Variants in DPP10 observed in about 807,000 individuals in gnomAD.
DPP10 encodes the protein inactive dipeptidyl peptidase 10.
In DPP10, 33 loss-of-function variants were observed where a neutral mutation model predicts 120.9. That is an observed-to-expected ratio of 0.27 (90% CI 0.21 to 0.37). DPP10 has a LOEUF of 0.37. DPP10 is among the 10% of genes least tolerant of loss of function. The pLI is 1.00. For synonymous variants in DPP10, 337 were observed against 326.1 expected, an observed-to-expected ratio of 1.03 and a Z score of -0.36; for missense variants, 816 against 942.8, an observed-to-expected ratio of 0.87 and a Z score of 1.76.
chr2:115,664,586 T>G (rs1219104664), intron 5 of DPP10, among the ~76,000 whole-genome samples: 3 of 152,004 alleles, frequency 2.0e-5, no homozygotes, highest in Non-Finnish European at 4.4e-5. Flanking sequence ...AGCAAGGAAA[T>G]GCTTTTCTCA....
At chr2:114,581,867 C>T (rs1690552670) in intron 1 of DPP10, among the ~76,000 whole-genome samples, 1 of 152,168 alleles carries the variant, frequency 6.6e-6, no homozygotes, top group South Asian at 2.1e-4. Flanking sequence ...ATGCATATAT[C>T]TGCCACATCC....
rs1239331551 is a variant in DPP10 at position 115,842,578 on chromosome 2, C to G, written c.*233C>G. 1 of 372,758 alleles carries G rather than the reference C, an allele frequency of 2.7e-6. No homozygotes were observed. Among genetic ancestry groups the G allele is most frequent in the Non-Finnish European group, 4.7e-6 (1 of 212,360 alleles). The allele number at this position is 372,758 out of a possible 1,614,324, so 23.1% of individuals were successfully genotyped here. On this transcript the variant is annotated 3_prime_UTR_variant, in exon 26 of 26. Coordinates refer to ENST00000410059, the MANE Select transcript of DPP10 (RefSeq NM_020868.6). ...TGAGAGAGGTCAAAGGGTTGGTTTCCTGGGAGAAATTAGTTTTGCATTAAA... is the reference window on the plus strand; with the variant it reads ...TGAGAGAGGTCAAAGGGTTGGTTTCGTGGGAGAAATTAGTTTTGCATTAAA...
chr2:115,049,212 A>G (rs75341604), intron 1 of DPP10, among the ~76,000 whole-genome samples: 7,222 of 152,116 alleles, frequency 0.047, 268 homozygotes, highest in East Asian at 0.17. Context: ...TTTTATTATG[A>G]TACAAATAAT....
intron 1 of DPP10, among the ~76,000 whole-genome samples, chr2:114,586,807 A>G (rs1691019802): frequency 6.6e-6 from 1 of 152,142 alleles, no homozygotes; most frequent in Non-Finnish European, 1.5e-5. Context: ...TTCCCAAAGA[A>G]CTGATTGTTA....
chr2:115,211,380 G>A (rs571140443), intron 1 of DPP10, among the ~76,000 whole-genome samples: 1 of 152,136 alleles, frequency 6.6e-6, no homozygotes, highest in East Asian at 1.9e-4. Flanking sequence ...AAGTCATTTA[G>A]CATAGATAAT....
intron 5 of DPP10, among the ~76,000 whole-genome samples, chr2:115,589,208 G>A (rs1252322661): frequency 3.3e-5 from 5 of 152,110 alleles, no homozygotes; most frequent in Non-Finnish European, 7.4e-5. Context: ...ACCATGAAAT[G>A]TCAAACCAAA....
intron 3 of DPP10, among the ~76,000 whole-genome samples, chr2:115,496,345 G>T (rs1369881607): frequency 6.6e-6 from 1 of 152,098 alleles, no homozygotes; most frequent in Non-Finnish European, 1.5e-5. Context: ...AAATTTGCAG[G>T]AGTGTAGATC....
At chr2:115,207,601 C>T (rs2056235226) in intron 1 of DPP10, among the ~76,000 whole-genome samples, 1 of 152,054 alleles carries the variant, frequency 6.6e-6, no homozygotes, top group Non-Finnish European at 1.5e-5. Context: ...TTCTAAGGAA[C>T]ACCACTTTTC....
At chr2:114,547,960 C>A (rs974629952) in intron 1 of DPP10, among the ~76,000 whole-genome samples, 2 of 152,106 alleles carry the variant, frequency 1.3e-5, no homozygotes, top group Non-Finnish European at 2.9e-5. Context: ...CATGCTGGTG[C>A]CTTCTTCTGA....
At chr2:115,144,111 G>C (rs2051081493) in intron 1 of DPP10, 1 of 152,106 alleles carries the variant, frequency 6.6e-6, no homozygotes, top group Admixed American at 6.5e-5. Context: ...TAAATTATTT[G>C]ATTGGCTCAC....
intron 1 of DPP10, among the ~76,000 whole-genome samples, chr2:114,647,688 G>A (rs145531430): frequency 8.0e-4 from 121 of 151,518 alleles, no homozygotes; most frequent in Non-Finnish European, 1.3e-3. Flanking sequence ...CTATGATGAT[G>A]ATTCTGGTTG....
intron 3 of DPP10, among the ~76,000 whole-genome samples, chr2:115,467,300 G>A (rs376723098): frequency 1.3e-5 from 2 of 152,026 alleles, no homozygotes; most frequent in African/African-American, 2.4e-5. Context: ...AGTGGCTCAC[G>A]TCTGTAATCC....
chr2:114,511,116 T>C (rs1164657396), intron 1 of DPP10, among the ~76,000 whole-genome samples: 1 of 152,194 alleles, frequency 6.6e-6, no homozygotes, highest in Non-Finnish European at 1.5e-5. Context: ...CAAAGATAAA[T>C]AAGTATGTAT....
At chr2:114,622,197 G>C (rs1694143108) in intron 1 of DPP10, among the ~76,000 whole-genome samples, 1 of 151,868 alleles carries the variant, frequency 6.6e-6, no homozygotes, top group African/African-American at 2.4e-5. Context: ...CTCTCTATTT[G>C]GCAGAAAGCG....
chr2:114,615,008 C>CTCTAAACATA (rs1693570879), intron 1 of DPP10, among the ~76,000 whole-genome samples: 1 of 152,098 alleles, frequency 6.6e-6, no homozygotes, highest in African/African-American at 2.4e-5. Context: ...AACATATATG[C>CTCTAAACATA]ACATCTCTAA....
chr2:115,380,201 G>T (rs1248507198), intron 3 of DPP10, among the ~76,000 whole-genome samples: 3 of 152,126 alleles, frequency 2.0e-5, no homozygotes, highest in African/African-American at 7.2e-5. Context: ...CTCTTTGTAG[G>T]TCACTCAGGA....
At chr2:115,721,881 A>G (rs2092658130) in intron 7 of DPP10, among the ~76,000 whole-genome samples, 1 of 152,230 alleles carries the variant, frequency 6.6e-6, no homozygotes. Context: ...TAAATGGTTA[A>G]TGTGCCATAT....
intron 7 of DPP10, among the ~76,000 whole-genome samples, chr2:115,707,178 C>T (rs1423767522): frequency 6.6e-6 from 1 of 151,690 alleles, no homozygotes; most frequent in Non-Finnish European, 1.5e-5. Context: ...ATTTCTCTTA[C>T]AGTAAAACAT....
intron 1 of DPP10, among the ~76,000 whole-genome samples, chr2:114,939,231 G>A (rs1298588419): frequency 6.6e-6 from 1 of 152,050 alleles, no homozygotes; most frequent in African/African-American, 2.4e-5. Flanking sequence ...TCATCTTCAT[G>A]ATGAGTGGGC....
Sources: allele counts gnomAD v4.1 joint callset (sites outside exome capture counted in the v4.1 genomes callset), GRCh38; gene constraint gnomAD v4.1.1; transcripts MANE v1.5; gene names NCBI Gene and HGNC (gene_info 2026-07-23, HGNC 2026-07-21).